The following SPIDR variants were observed in gnomAD, a reference collection of about 807,000 sequenced individuals.
The protein encoded by SPIDR is scaffold protein involved in DNA repair.
SPIDR carries 93 observed loss-of-function variants against 104.6 expected under a neutral mutation model. The observed-to-expected ratio is 0.89, with a 90% CI of 0.75 to 1.06. The LOEUF is 1.06. Ranked by LOEUF, SPIDR falls within the 50% of genes least tolerant of loss-of-function variation. The pLI, the probability that SPIDR is intolerant of heterozygous loss-of-function variation, is 0.00. For synonymous variants in SPIDR, 431 were observed against 416.9 expected (o/e 1.03, Z -0.41); for missense variants, 1,154 against 1,111.2 (o/e 1.04, Z -0.55).
intron 1 of SPIDR, 124 bp downstream of exon 1, chr8:47,261,115 A>AG: frequency 9.1e-7 from 1 of 1,096,544 alleles, no homozygotes; most frequent in East Asian, 3.5e-5. Flanking sequence ...GTGAAGGGCT[A>AG]GGTGGTGGCG....
intron 7 of SPIDR, among the ~76,000 whole-genome samples, chr8:47,417,634 C>A (rs561455055): frequency 6.0e-4 from 92 of 152,250 alleles, no homozygotes; most frequent in African/African-American, 2.0e-3. Flanking sequence ...TTAATTAGAT[C>A]CCATTTGTCA....
At chr8:47,545,611 G>C (rs965292000) in intron 8 of SPIDR, among the ~76,000 whole-genome samples, 56 of 152,032 alleles carry the variant, frequency 3.7e-4, no homozygotes, top group Non-Finnish European at 1.5e-4. Flanking sequence ...TCTCTGATCT[G>C]TATGCCCTTT....
chr8:47,574,729 C>T (rs1451591090), intron 8 of SPIDR, among the ~76,000 whole-genome samples: 1 of 148,078 alleles, frequency 6.8e-6, no homozygotes, highest in Non-Finnish European at 1.5e-5. Flanking sequence ...GCCTGGGCGA[C>T]AGAGTAAGAC....
intron 7 of SPIDR, among the ~76,000 whole-genome samples, chr8:47,429,631 G>C (rs2066992079): frequency 6.6e-6 from 1 of 152,116 alleles, no homozygotes; most frequent in Non-Finnish European, 1.5e-5. Context: ...CAGAGTGCAG[G>C]AATAGCCCTC....
At chr8:47,583,688 C>G (rs1208736816) in intron 8 of SPIDR, among the ~76,000 whole-genome samples, 1 of 152,150 alleles carries the variant, frequency 6.6e-6, no homozygotes, top group Non-Finnish European at 1.5e-5. Flanking sequence ...ATAAAGGAAA[C>G]AGAACATGAA....
rs190943021 is a variant in SPIDR at position 47,397,357 on chromosome 8, G to A, written c.776+731G>A. Among the ~76,000 whole-genome samples, 254 of 152,174 alleles carry A rather than the reference G, an allele frequency of 1.7e-3. 1 individual carries two copies. Among genetic ancestry groups the A allele is most frequent in the African/African-American group, 5.8e-3 (241 of 41,520 alleles). ...CTAAAAATACAAAAATTAGCTGGGC[G>A]TGGAGGTGCGCACCTGTAATCCCAG... On this transcript the variant is annotated intron_variant, in intron 6 of 19. Coordinates refer to ENST00000297423, the MANE Select transcript of SPIDR (RefSeq NM_001080394.4).
intron 8 of SPIDR, among the ~76,000 whole-genome samples, chr8:47,441,637 GAA>G (rs2069458693): frequency 6.6e-6 from 1 of 152,140 alleles, no homozygotes; most frequent in Admixed American, 6.5e-5. Flanking sequence ...TTGATGAGCA[GAA>G]CTTTTCTGTT....
At chr8:47,549,586 T>G (rs1036455597) in intron 8 of SPIDR, among the ~76,000 whole-genome samples, 13 of 152,256 alleles carry the variant, frequency 8.5e-5, no homozygotes, top group Non-Finnish European at 1.5e-4. Context: ...AAGTGTCTGT[T>G]CATATCCTTC....
chr8:47,632,259 A>G (rs930077263), intron 10 of SPIDR, among the ~76,000 whole-genome samples: 7 of 152,316 alleles, frequency 4.6e-5, no homozygotes, highest in African/African-American at 1.7e-4. Context: ...CTTCAAGCAA[A>G]CTGCAAAGTT....
intron 6 of SPIDR, among the ~76,000 whole-genome samples, chr8:47,397,362 G>A (rs2061356905): frequency 6.6e-6 from 1 of 152,116 alleles, no homozygotes; most frequent in African/African-American, 2.4e-5. Context: ...TGGGCGTGGA[G>A]GTGCGCACCT....
chr8:47,431,370 C>T (rs1175451666), intron 7 of SPIDR, among the ~76,000 whole-genome samples: 1 of 152,244 alleles, frequency 6.6e-6, no homozygotes, highest in Non-Finnish European at 1.5e-5. Flanking sequence ...AACATTCAAT[C>T]TGTAACACAC....
intron 14 of SPIDR, among the ~76,000 whole-genome samples, chr8:47,706,872 C>T (rs1589383371): frequency 1.3e-5 from 2 of 152,232 alleles, no homozygotes; most frequent in South Asian, 4.2e-4. Context: ...AATCTCAGCA[C>T]TTTGGGAGGC....
At chr8:47,380,027 G>T (rs1554644537) in intron 5 of SPIDR, among the ~76,000 whole-genome samples, 1 of 152,148 alleles carries the variant, frequency 6.6e-6, no homozygotes. Context: ...TCTTTGCCTT[G>T]AATAAAAATA....
intron 10 of SPIDR, among the ~76,000 whole-genome samples, chr8:47,616,648 T>C (rs1186491972): frequency 6.6e-6 from 1 of 152,234 alleles, no homozygotes; most frequent in Admixed American, 6.5e-5. Flanking sequence ...ACTTTTAACA[T>C]GCTTCTCATT....
At chr8:47,306,739 T>C (rs2043153300) in intron 5 of SPIDR, among the ~76,000 whole-genome samples, 1 of 152,222 alleles carries the variant, frequency 6.6e-6, no homozygotes, top group Non-Finnish European at 1.5e-5. Context: ...CTCCCTTCAG[T>C]TGTCTGTTTT....
intron 8 of SPIDR, among the ~76,000 whole-genome samples, chr8:47,555,755 G>A (rs902419220): frequency 5.3e-5 from 8 of 152,282 alleles, no homozygotes; most frequent in South Asian, 2.1e-4. Context: ...AGACATTCTC[G>A]AGGGGATGGG....
chr8:47,313,194 A>G (rs2044563870), intron 5 of SPIDR, among the ~76,000 whole-genome samples: 1 of 152,192 alleles, frequency 6.6e-6, no homozygotes, highest in South Asian at 2.1e-4. Flanking sequence ...CCTTAAGCTG[A>G]TAAGCAACTT....
At chr8:47,695,140 G>A (rs953108981) in intron 11 of SPIDR, among the ~76,000 whole-genome samples, 7 of 152,062 alleles carry the variant, frequency 4.6e-5, no homozygotes, top group Non-Finnish European at 8.8e-5. Context: ...GAATGGAAGT[G>A]AGAAAGAAAA....
rs2154495616 is a variant in SPIDR at position 47,735,602 on chromosome 8, A to G, written c.*152A>G. 6.8e-7 allele frequency: 1 copy of G among 1,460,202 alleles called. No individual in the cohort carries two copies. Among genetic ancestry groups the G allele is most frequent in the Admixed American group, 2.3e-5 (1 of 44,056 alleles). 90.5% of individuals were successfully genotyped at this position (1,460,202 alleles called of 1,614,324 possible). ...TAGATTTTTCTGGGGAAATGTTCAGATACAGTTTTGTGAACTGTAAATCAA... is the reference window on the plus strand; with the variant it reads ...TAGATTTTTCTGGGGAAATGTTCAGGTACAGTTTTGTGAACTGTAAATCAA... On this transcript the variant is annotated 3_prime_UTR_variant, in exon 20 of 20. Coordinates refer to ENST00000297423, the MANE Select transcript of SPIDR (RefSeq NM_001080394.4).
Sources: allele counts gnomAD v4.1 joint callset (sites outside exome capture counted in the v4.1 genomes callset), GRCh38; gene constraint gnomAD v4.1.1; transcripts MANE v1.5; gene names NCBI Gene and HGNC (gene_info 2026-07-23, HGNC 2026-07-21).